The following EEFSEC variants were observed in gnomAD, a reference collection of about 807,000 sequenced individuals.
EEFSEC encodes the protein eukaryotic elongation factor, selenocysteine-tRNA specific.
A neutral mutation model predicts 42.1 loss-of-function variants in EEFSEC; 43 were observed. That is an observed-to-expected ratio of 1.02 (90% CI 0.80 to 1.32). The LOEUF (loss-of-function observed/expected upper bound fraction) is 1.32, where lower values mean the gene tolerates loss of function less well. Ranked by LOEUF, EEFSEC falls within the 40% of genes most tolerant of loss-of-function variation. The pLI, the probability that EEFSEC is intolerant of heterozygous loss-of-function variation, is 0.00. For missense variants in EEFSEC, 745 were observed against 803.6 expected, an observed-to-expected ratio of 0.93 and a Z score of 0.88; for synonymous variants, 354 against 339.1, an observed-to-expected ratio of 1.04 and a Z score of -0.48.
chr3:128,258,188 T>A (rs1247885165), intron 2 of EEFSEC, among the ~76,000 whole-genome samples: 1 of 152,180 alleles, frequency 6.6e-6, no homozygotes, highest in Non-Finnish European at 1.5e-5. Context: ...GCGACCTTGA[T>A]GTTTTGTCAT....
intron 1 of EEFSEC, among the ~76,000 whole-genome samples, chr3:128,158,457 A>G (rs1027349505): frequency 6.6e-6 from 1 of 152,198 alleles, no homozygotes; most frequent in Admixed American, 6.5e-5. Flanking sequence ...TGATGTGGCA[A>G]ACTTCATTGT....
chr3:128,371,009 G>A (rs570832130), intron 6 of EEFSEC, among the ~76,000 whole-genome samples: 18 of 152,312 alleles, frequency 1.2e-4, no homozygotes, highest in Admixed American at 6.5e-4. Flanking sequence ...ATATGGAATA[G>A]AAACTAATAT....
intron 4 of EEFSEC, among the ~76,000 whole-genome samples, chr3:128,339,196 G>A (rs138500843): frequency 9.2e-5 from 14 of 152,214 alleles, no homozygotes; most frequent in African/African-American, 1.7e-4. Flanking sequence ...GACACTGTGC[G>A]TCTCACTTTC....
At chr3:128,302,618 T>G (rs1294105173) in intron 4 of EEFSEC, among the ~76,000 whole-genome samples, 1 of 152,158 alleles carries the variant, frequency 6.6e-6, no homozygotes, top group Non-Finnish European at 1.5e-5. Context: ...GTTTTTTGTT[T>G]TTTTTTGGGG....
intron 1 of EEFSEC, among the ~76,000 whole-genome samples, chr3:128,217,161 C>T (rs1175790858): frequency 1.3e-5 from 2 of 152,146 alleles, no homozygotes; most frequent in African/African-American, 4.8e-5. Context: ...CTTTGTGTGT[C>T]ACCATTCTAA....
intron 5 of EEFSEC, among the ~76,000 whole-genome samples, chr3:128,342,668 G>A (rs2067268930): frequency 6.6e-6 from 1 of 152,226 alleles, no homozygotes; most frequent in Non-Finnish European, 1.5e-5. Flanking sequence ...CTTTCAGGGT[G>A]GTGCCTGCTC....
chr3:128,292,355 C>CT, intron 4 of EEFSEC, among the ~76,000 whole-genome samples: 1 of 151,858 alleles, frequency 6.6e-6, no homozygotes, highest in South Asian at 2.1e-4. Context: ...AGTTTTTGCT[C>CT]TTTTTTTATT....
chr3:128,217,585 G>T (rs866357946), intron 1 of EEFSEC, among the ~76,000 whole-genome samples: 1 of 152,174 alleles, frequency 6.6e-6, no homozygotes, highest in South Asian at 2.1e-4. Flanking sequence ...TAGACCCTCT[G>T]GGCCTGCTCC....
chr3:128,320,836 C>T (rs780337856), intron 4 of EEFSEC, among the ~76,000 whole-genome samples: 5 of 152,214 alleles, frequency 3.3e-5, no homozygotes, highest in Non-Finnish European at 5.9e-5. Flanking sequence ...GACTCCTGGA[C>T]GGGAGCTTCC....
intron 4 of EEFSEC, 66 bp from the exon 5 acceptor site, chr3:128,341,167 C>T: frequency 2.0e-6 from 3 of 1,524,270 alleles, no homozygotes; most frequent in Non-Finnish European, 2.6e-6. Context: ...AGCTGCAGCT[C>T]CCCTCTCCTC....
At chr3:128,221,078 A>G (rs2065856908) in intron 1 of EEFSEC, among the ~76,000 whole-genome samples, 1 of 152,246 alleles carries the variant, frequency 6.6e-6, no homozygotes, top group Non-Finnish European at 1.5e-5. Flanking sequence ...CAGAAACATC[A>G]CAGGTGTGCC....
intron 1 of EEFSEC, among the ~76,000 whole-genome samples, chr3:128,159,008 G>T (rs544304895): frequency 6.6e-6 from 1 of 152,254 alleles, no homozygotes; most frequent in Non-Finnish European, 1.5e-5. Context: ...CTTAAAATAT[G>T]GCCTGAGTGG....
Position 128,240,238 on chromosome 3 carries a change from C to T in EEFSEC, c.317-6598C>T, listed in dbSNP as rs180835852. 4.4e-3 allele frequency among the ~76,000 whole-genome samples: 677 copies of T among 152,274 alleles called. 1 individual carries two copies. The highest frequency in any genetic ancestry group is 7.4e-3 in the Non-Finnish European group (504 of 68,018). On this transcript the variant is annotated intron_variant, in intron 1 of 6. Transcript: ENST00000254730. ...GGGGACAGCAGGCCTTGTTACAGTT[C>T]GACCAAGAGTGATGGGGCCCAGGTT...
chr3:128,339,682 A>C (rs1238060314), intron 4 of EEFSEC, among the ~76,000 whole-genome samples: 1 of 152,050 alleles, frequency 6.6e-6, no homozygotes, highest in Non-Finnish European at 1.5e-5. Flanking sequence ...CGGGCCTTGC[A>C]CTCTACTGTG....
intron 4 of EEFSEC, among the ~76,000 whole-genome samples, chr3:128,312,151 A>C (rs1320078992): frequency 1.3e-5 from 2 of 152,232 alleles, no homozygotes; most frequent in African/African-American, 4.8e-5. Flanking sequence ...AGAACTTGAG[A>C]AAGGGAAAGA....
At chr3:128,262,595 A>C (rs2999065) in intron 3 of EEFSEC, among the ~76,000 whole-genome samples, 127,858 of 152,214 alleles carry the variant, frequency 0.84, 54,182 homozygotes, top group East Asian at 0.99. Context: ...TTCAGACTGT[A>C]TCAGCTCCTC....
At chr3:128,418,189 A>T in the EEFSEC span, among the ~76,000 whole-genome samples, 6 of 151,872 alleles carry the variant, frequency 4.0e-5, no homozygotes, top group Admixed American at 6.6e-5. Flanking sequence ...CTGCTCCCTC[A>T]GCACCCCCTC....
At chr3:128,229,665 C>A (rs2065940940) in intron 1 of EEFSEC, among the ~76,000 whole-genome samples, 1 of 152,244 alleles carries the variant, frequency 6.6e-6, no homozygotes, top group Non-Finnish European at 1.5e-5. Flanking sequence ...GGCCCATGGA[C>A]ATGTTTTGTT....
At chr3:128,425,668 C>T in the EEFSEC span, among the ~76,000 whole-genome samples, 15 of 152,328 alleles carry the variant, frequency 9.8e-5, 1 homozygote, top group East Asian at 2.9e-3. Context: ...CGCGGTGCTC[C>T]CAGTGACGGA....
Sources: allele counts gnomAD v4.1 joint callset (sites outside exome capture counted in the v4.1 genomes callset), GRCh38; gene constraint gnomAD v4.1.1; transcripts MANE v1.5; gene names NCBI Gene and HGNC (gene_info 2026-07-23, HGNC 2026-07-21).